PCDHGA1: variants seen among roughly 807,000 people sequenced by gnomAD.
The protein encoded by PCDHGA1 is protocadherin gamma-A1.
Under a neutral mutation model 58.0 loss-of-function variants are expected in PCDHGA1, and 32 were observed. That is an observed-to-expected ratio of 0.55 (90% confidence interval 0.42 to 0.74). PCDHGA1 has a LOEUF of 0.74. Among genes scored for constraint, PCDHGA1 ranks in the 30% least tolerant of loss-of-function variants. PCDHGA1 has a pLI of 0.00. For synonymous variants in PCDHGA1, 498 were observed against 501.1 expected (o/e 0.99, Z 0.08); for missense variants, 1,205 against 1,182.3 (o/e 1.02, Z -0.28).
intron 1 of PCDHGA1, chr5:141,361,146 T>C (rs1761903923): frequency 1.2e-6 from 2 of 1,613,968 alleles, no homozygotes; most frequent in East Asian, 4.5e-5. Context: ...AAGTTGAAAT[T>C]CTTGATGACA....
Position 141,476,036 on chromosome 5 carries a change from A to T in PCDHGA1, c.2422-18771A>T. ...ATGTCGGACTCGGCGCCCAGCGCCC[A>T]AGCGCTAACCCGCTGAAAGTTTCTC... On this transcript the variant is annotated intron_variant, in intron 1 of 3. Coordinates refer to ENST00000517417, the MANE Select transcript of PCDHGA1 (RefSeq NM_018912.3). This position sits in a 1 kb window ranked among gnomAD's most constrained non-coding sequence, Gnocchi z 7.6. 1.4e-6 allele frequency: 2 copies of T among 1,471,164 alleles called. No individual in the cohort carries two copies. The highest frequency in any genetic ancestry group is 1.8e-6 in the Non-Finnish European group (2 of 1,106,602). 91.1% of individuals were successfully genotyped at this position (1,471,164 alleles called of 1,614,324 possible).
chr5:141,419,435 C>T, intron 1 of PCDHGA1: 1 of 1,613,226 alleles, frequency 6.2e-7, no homozygotes, highest in Non-Finnish European at 8.5e-7. Context: ...CGAGCAGCTG[C>T]GCACCTTCGA....
At chr5:141,461,185 C>T (rs2154567265) in intron 1 of PCDHGA1, among the ~76,000 whole-genome samples, 1 of 152,134 alleles carries the variant, frequency 6.6e-6, no homozygotes, top group East Asian at 1.9e-4. Context: ...AATGGTAGAT[C>T]TGTTTTTTGC....
intron 1 of PCDHGA1, chr5:141,375,548 T>C (rs748936121): frequency 1.1e-5 from 17 of 1,613,892 alleles, no homozygotes; most frequent in Non-Finnish European, 9.3e-6. Flanking sequence ...CCAAGTCTCC[T>C]ACTCACTGGC....
In PCDHGA1 at chr5:141,415,152, C is replaced by G. The variant is rs758450562; in HGVS notation, c.2422-79655C>G. ...AGGACCACGGCCAGCCCCCTCTCTCCGCCACTGTCACGCTCACCGTGGCCG... is the reference window on the plus strand; with the variant it reads ...AGGACCACGGCCAGCCCCCTCTCTCGGCCACTGTCACGCTCACCGTGGCCG... On this transcript the variant is annotated intron_variant, in intron 1 of 3. Transcript: ENST00000517417. The G allele has an allele frequency of 1.9e-6, 3 of 1,613,812 alleles. No individual in the cohort carries two copies. In the Admixed American group the frequency reaches 5.0e-5, roughly 27 times the overall value.
At position 141,432,412 on chromosome 5, in the gene PCDHGA1, C is replaced by G. The variant is rs773688197; in HGVS notation, c.2422-62395C>G. 1.9e-6 allele frequency: 3 copies of G among 1,614,246 alleles called. No individual in the cohort carries two copies. The highest frequency in any genetic ancestry group is 2.2e-5 in the East Asian group (1 of 44,882). ...GCAGCAACGTGTCGTTGAGCCTGTT[C>G]GTGCTGGACCAGAACGACAATGCGC... On this transcript the variant is annotated intron_variant, in intron 1 of 3. Transcript: ENST00000517417. This position sits in a 1 kb window ranked among gnomAD's most constrained non-coding sequence, Gnocchi z 6.0.
At chr5:141,388,841 A>G in intron 1 of PCDHGA1, 1 of 1,614,022 alleles carries the variant, frequency 6.2e-7, no homozygotes. Context: ...TTTTGGAAGC[A>G]AGGGACGGTG....
At chr5:141,347,679 T>C in intron 1 of PCDHGA1, among the ~76,000 whole-genome samples, 1 of 150,896 alleles carries the variant, frequency 6.6e-6, no homozygotes, top group African/African-American at 2.4e-5. Flanking sequence ...CCAAGCTACT[T>C]GGGAAGCTGA....
chr5:141,507,619 G>T (rs1237918589), intron 3 of PCDHGA1, among the ~76,000 whole-genome samples: 22 of 152,256 alleles, frequency 1.4e-4, no homozygotes, highest in Admixed American at 1.4e-3. Context: ...ATATTTAGCT[G>T]TTGTGGCCTT....
At position 141,350,606 on chromosome 5, in the gene PCDHGA1, G is replaced by T. The variant is rs760936917; in HGVS notation, c.2421+17501G>T. ...TGAAAACCCAATGAATGTTTTCCAC[G>T]TGGTTGTTGTAATCCAAGATATTAA... On this transcript the variant is annotated intron_variant, in intron 1 of 3. Transcript: ENST00000517417. The T allele has an allele frequency of 3.1e-6, 5 of 1,614,048 alleles. No homozygotes were observed. In the Admixed American group the frequency reaches 6.7e-5, roughly 22 times the overall value.
At position 141,489,754 on chromosome 5, in the gene PCDHGA1, C is replaced by G; in HGVS notation, c.2422-5053C>G. 1 of 1,614,110 alleles carries G rather than the reference C, an allele frequency of 6.2e-7. No homozygotes were observed. The highest frequency in any genetic ancestry group is 8.5e-7 in the Non-Finnish European group (1 of 1,179,972). ...CACCAATACTGTGAGCTTTTACACT[C>G]TAAGCCCCAACAGCCACTTCTCTCT... On this transcript the variant is annotated intron_variant, in intron 1 of 3. Coordinates refer to ENST00000517417, the MANE Select transcript of PCDHGA1 (RefSeq NM_018912.3). The surrounding 1 kb of genome is among the most constrained non-coding windows in gnomAD (Gnocchi z 4.5).
chr5:141,491,227 C>T lies in PCDHGA1; in HGVS notation c.2422-3580C>T. 6.2e-7 allele frequency: 1 copy of T among 1,614,216 alleles called. No homozygotes were observed. The highest frequency in any genetic ancestry group is 8.5e-7 in the Non-Finnish European group (1 of 1,180,018). On this transcript the variant is annotated intron_variant, in intron 1 of 3. Coordinates refer to ENST00000517417, the MANE Select transcript of PCDHGA1 (RefSeq NM_018912.3). The surrounding 1 kb of genome is among the most constrained non-coding windows in gnomAD (Gnocchi z 6.9). Reference sequence around the variant, plus strand: ...TTCACTCTCCTCCACAGCCACAGTGCTGCTGGTTCTGGAGGATGAGGACCC... The same window carrying T: ...TTCACTCTCCTCCACAGCCACAGTGTTGCTGGTTCTGGAGGATGAGGACCC...
At chr5:141,355,141 G>A in intron 1 of PCDHGA1, 1 of 1,526,010 alleles carries the variant, frequency 6.6e-7, no homozygotes, top group South Asian at 1.3e-5. Context: ...AGATCCTGGG[G>A]CTCCTCAGGC....
intron 1 of PCDHGA1, chr5:141,345,955 G>C (rs766271873): frequency 1.2e-6 from 2 of 1,613,622 alleles, no homozygotes; most frequent in African/African-American, 2.7e-5. Context: ...CTCAAGCAGA[G>C]CCTCGTGGTG....
intron 1 of PCDHGA1, chr5:141,370,924 A>C: frequency 6.2e-7 from 1 of 1,613,968 alleles, no homozygotes; most frequent in Non-Finnish European, 8.5e-7. Context: ...CCTGATCCGC[A>C]CTTCTCTTTG....
intron 1 of PCDHGA1, among the ~76,000 whole-genome samples, chr5:141,439,208 C>A: frequency 6.6e-6 from 1 of 151,294 alleles, no homozygotes. Flanking sequence ...AAAAAAAATC[C>A]ATATGTGAAA....
chr5:141,442,751 T>G (rs756672976), intron 1 of PCDHGA1, among the ~76,000 whole-genome samples: 1 of 152,196 alleles, frequency 6.6e-6, no homozygotes, highest in Non-Finnish European at 1.5e-5. Context: ...CATGTTTTGA[T>G]TATATATATT....
chr5:141,343,499 T>G (rs1490465597), intron 1 of PCDHGA1: 1 of 499,278 alleles, frequency 2.0e-6, no homozygotes. Context: ...TTAATAGTTG[T>G]GTTGGTCCTT....
chr5:141,339,578 G>A (rs755322315), intron 1 of PCDHGA1: 2 of 1,614,086 alleles, frequency 1.2e-6, no homozygotes, highest in African/African-American at 1.3e-5. Flanking sequence ...TCTGGACCGC[G>A]AGGAAGAGGC....
Sources: allele counts gnomAD v4.1 joint callset (sites outside exome capture counted in the v4.1 genomes callset), GRCh38; gene constraint gnomAD v4.1.1; non-coding constraint Gnocchi (gnomAD v3.1); transcripts MANE v1.5; gene names NCBI Gene and HGNC (gene_info 2026-07-23, HGNC 2026-07-21).